Variants in MINK1 observed in about 807,000 individuals in gnomAD.
MINK1 encodes misshapen-like kinase 1.
Under a neutral mutation model 178.4 loss-of-function variants are expected in MINK1, and 46 were observed. The ratio of observed to expected loss-of-function variants is 0.26; its 90% CI spans 0.20 to 0.33. The LOEUF is 0.33. MINK1 is among the 10% of genes least tolerant of loss of function. MINK1 has a pLI of 1.00. For missense variants in MINK1, 1,366 were observed against 1,814.9 expected, an observed-to-expected ratio of 0.75 and a Z score of 4.49; for synonymous variants, 797 against 709.7, an observed-to-expected ratio of 1.12 and a Z score of -1.96.
chr17:4,897,472 CA>C lies in MINK1; in HGVS notation c.*187del. The stretch of plus-strand genomic sequence containing the variant: ...GTGATCACGTGACCATCCTCTTCCC[CA>C]ACATGTCCTCTTCCCAAAACTGTGC... On this transcript the variant is annotated 3_prime_UTR_variant, in exon 32 of 32. Transcript: ENST00000355280. 2 of 582,358 alleles carry C rather than the reference CA, an allele frequency of 3.4e-6. No individual in the cohort carries two copies. The highest frequency in any genetic ancestry group is 3.8e-5 in the African/African-American group (2 of 53,212). The allele number at this position is 582,358 out of a possible 1,614,324, so 36.1% of individuals were successfully genotyped here.
rs1237780815 is a variant in MINK1, at chr17:4,892,239, TGCCTGGGTAGGGCAAC to T, written c.2087+14_2087+29del. 1.3e-5 allele frequency: 21 copies of T among 1,571,756 alleles called. No homozygotes were observed. Among genetic ancestry groups the T allele is most frequent in the Non-Finnish European group, 1.8e-5 (21 of 1,159,198 alleles). On this transcript the variant is annotated splice_donor_region_variant and intron_variant, in intron 17 of 31. Transcript: ENST00000355280. ...AGCCCAGGCAGTCCGTGCCAGGTAA[TGCCTGGGTAGGGCAAC>T]GCCTGGGTGAGGTCTGAGGGCAGCC...
At chr17:4,875,865 G>A (rs998899040) in intron 1 of MINK1, among the ~76,000 whole-genome samples, 1 of 146,520 alleles carries the variant, frequency 6.8e-6, no homozygotes, top group Non-Finnish European at 1.5e-5. Flanking sequence ...GTGTGATCTC[G>A]GCTCACTGCA....
Position 4,833,558 on chromosome 17 carries a change from C to T in MINK1, c.-26C>T, listed in dbSNP as rs1908800093. 2.7e-6 allele frequency: 4 copies of T among 1,490,676 alleles called. No individual in the cohort carries two copies. Among genetic ancestry groups the T allele is most frequent in the Non-Finnish European group, 3.6e-6 (4 of 1,124,440 alleles). 92.3% of individuals were successfully genotyped at this position (1,490,676 alleles called of 1,614,324 possible). A position where few individuals can be genotyped will look rare whatever the true frequency, so the allele number is the denominator to read the frequency against. Reference sequence around the variant, plus strand: ...TAACCGAGCCGGAGCGTGAGCGGCCCCGGTGCCCCGTTCCCCACGGAGGCC... The same window carrying T: ...TAACCGAGCCGGAGCGTGAGCGGCCTCGGTGCCCCGTTCCCCACGGAGGCC... On this transcript the variant is annotated 5_prime_UTR_variant, in exon 1 of 32. Coordinates refer to ENST00000355280, the MANE Select transcript of MINK1 (RefSeq NM_153827.5). This position sits in a 1 kb window ranked among gnomAD's most constrained non-coding sequence, Gnocchi z 4.8.
chr17:4,870,534 A>C (rs1915731643), intron 1 of MINK1, among the ~76,000 whole-genome samples: 1 of 152,244 alleles, frequency 6.6e-6, no homozygotes, highest in Non-Finnish European at 1.5e-5. Flanking sequence ...ACCCTTTTAA[A>C]ATATTTTAGG....
In MINK1 at chr17:4,889,702, G is replaced by A; in HGVS notation, c.1286G>A (p.Arg429Gln). The A allele has an allele frequency of 1.3e-6, 2 of 1,557,752 alleles. No homozygotes were observed. The highest frequency in any genetic ancestry group is 1.9e-5 in the Admixed American group (1 of 52,008). Reference sequence around the variant, plus strand: ...CTGCAGGAGAAGGAGCAGCAGCGGCGGCTGGAGGACATGCAGGCTCTGCGG... The same window carrying A: ...CTGCAGGAGAAGGAGCAGCAGCGGCAGCTGGAGGACATGCAGGCTCTGCGG... ...RKLQEKEQQR[R>Q]LEDMQALRRE... Residue 429 changes from arginine (R) to glutamine (Q), a missense_variant, in exon 13 of 32, where the codon CGG (arginine) becomes CAG (glutamine). By Grantham distance (43) the Arg-to-Gln change is conservative (BLOSUM62 1). Transcript: ENST00000355280.
At chr17:4,849,201 A>C (rs574699828) in intron 1 of MINK1, among the ~76,000 whole-genome samples, 2 of 152,272 alleles carry the variant, frequency 1.3e-5, no homozygotes, top group African/African-American at 4.8e-5. Context: ...AAAATCTTCT[A>C]TCTGAACACG....
chr17:4,833,615 A>T lies in MINK1; in HGVS notation c.32A>T (p.Asp11Val). The T allele has an allele frequency of 6.7e-7, 1 of 1,501,510 alleles. No homozygotes were observed. The highest frequency in any genetic ancestry group is 8.8e-7 in the Non-Finnish European group (1 of 1,132,028). 93.0% of individuals were successfully genotyped at this position (1,501,510 alleles called of 1,614,324 possible). A position where few individuals can be genotyped will look rare whatever the true frequency, so the allele number is the denominator to read the frequency against. The change falls in exon 1 of 32, where the codon GAC (aspartate) becomes GTC (valine). Residue 11 changes from aspartate (D) to valine (V), a missense_variant. Asp to Val is a radical substitution (Grantham distance 152, BLOSUM62 -3). Transcript: ENST00000355280. This position sits in a 1 kb window ranked among gnomAD's most constrained non-coding sequence, Gnocchi z 4.8. Reference protein sequence around the residue: MGDPAPARSLDDIDLSALRDP... With the variant: MGDPAPARSLVDIDLSALRDP... ...GACCCAGCCCCCGCCCGCAGCCTGG[A>T]CGACATCGACCTGTCCGCCCTGCGG...
intron 1 of MINK1, among the ~76,000 whole-genome samples, chr17:4,841,739 A>G (rs1567555171): frequency 6.6e-6 from 1 of 152,212 alleles, no homozygotes; most frequent in East Asian, 1.9e-4. Context: ...TTACTTGGTA[A>G]GAGACATGGA....
chr17:4,894,534 CGTG>C lies in MINK1; in HGVS notation c.2820_2822del (p.Gly941del), dbSNP rs746304222. 3.1e-6 allele frequency: 5 copies of C among 1,600,200 alleles called. No individual in the cohort carries two copies. The highest frequency in any genetic ancestry group is 8.5e-7 in the Non-Finnish European group (1 of 1,173,126). On this transcript the variant is annotated inframe_deletion, in exon 24 of 32. Transcript: ENST00000355280. The surrounding 1 kb of genome is among the most constrained non-coding windows in gnomAD (Gnocchi z 4.1). ...TGTCCCCCTACCACAGTACCAGTCT[CGTG>C]GGCTGGTAAAGGCCCCTGGCAAGAG...
At chr17:4,844,942 A>G (rs777897823) in intron 1 of MINK1, among the ~76,000 whole-genome samples, 8 of 152,128 alleles carry the variant, frequency 5.3e-5, no homozygotes, top group Non-Finnish European at 1.2e-4. Flanking sequence ...GTGCAACTGT[A>G]ACCACTATCC....
At chr17:4,881,586 C>T (rs1412067206) in intron 4 of MINK1, among the ~76,000 whole-genome samples, 1 of 152,170 alleles carries the variant, frequency 6.6e-6, no homozygotes, top group Non-Finnish European at 1.5e-5. Context: ...GGAGAGAGAC[C>T]GTGGGGAGGC....
chr17:4,849,445 G>A (rs186710049), intron 1 of MINK1, among the ~76,000 whole-genome samples: 3 of 152,296 alleles, frequency 2.0e-5, no homozygotes, highest in African/African-American at 7.2e-5. Flanking sequence ...AAGGCTGGGC[G>A]GCTCAGGATG....
At position 4,895,256 on chromosome 17, in the gene MINK1, G is replaced by A; in HGVS notation, c.3085+14G>A. 6.2e-7 allele frequency: 1 copy of A among 1,613,898 alleles called. No homozygotes were observed. Among genetic ancestry groups the A allele is most frequent in the Non-Finnish European group, 8.5e-7 (1 of 1,179,834 alleles). ...CAGCCCTTTGGGGTAAGCCAGGGCAGGGACAGCTGAGGAGGCTCTGGCGTG... is the reference window on the plus strand; with the variant it reads ...CAGCCCTTTGGGGTAAGCCAGGGCAAGGACAGCTGAGGAGGCTCTGGCGTG... On this transcript the variant is annotated intron_variant, in intron 25 of 31. Transcript: ENST00000355280. The surrounding 1 kb of genome is among the most constrained non-coding windows in gnomAD (Gnocchi z 4.3).
rs1470022968 is a variant in MINK1 at position 4,896,666 on chromosome 17, C to T, written c.3776-8C>T. 1.9e-6 allele frequency: 3 copies of T among 1,602,834 alleles called. No homozygotes were observed. In the Admixed American group the frequency reaches 5.1e-5, roughly 27 times the overall value. ...CAGCCTGCTCAGCCCCTCACCTGTTCCCCACAGCCTACATCTGCTCCAACC... is the reference window on the plus strand; with the variant it reads ...CAGCCTGCTCAGCCCCTCACCTGTTTCCCACAGCCTACATCTGCTCCAACC... On this transcript the variant is annotated splice_polypyrimidine_tract_variant and splice_region_variant and intron_variant, in intron 30 of 31. Transcript: ENST00000355280. This position sits in a 1 kb window ranked among gnomAD's most constrained non-coding sequence, Gnocchi z 4.6.
intron 1 of MINK1, among the ~76,000 whole-genome samples, chr17:4,842,699 C>A (rs1910437401): frequency 6.6e-6 from 1 of 152,312 alleles, no homozygotes; most frequent in South Asian, 2.1e-4. Flanking sequence ...AAAGAGTCTT[C>A]AAGAAAACAG....
rs552337563 is a variant in MINK1 at position 4,867,971 on chromosome 17, C to CT, written c.58-10331dup. Among the ~76,000 whole-genome samples, 310 of 142,310 alleles carry CT rather than the reference C, an allele frequency of 2.2e-3. 1 individual carries two copies. Among genetic ancestry groups the CT allele is most frequent in the South Asian group, 6.8e-3 (30 of 4,422 alleles). 93.4% of individuals were successfully genotyped at this position (142,310 alleles called of 152,430 possible). ...TGAGAACATTCCATATCTTCTAGCT[C>CT]TTTTTTTTTTTTTTTAATATCTTTA... On this transcript the variant is annotated intron_variant, in intron 1 of 31. Coordinates refer to ENST00000355280, the MANE Select transcript of MINK1 (RefSeq NM_153827.5).
At chr17:4,857,929 A>G (rs1372810337) in intron 1 of MINK1, among the ~76,000 whole-genome samples, 1 of 150,416 alleles carries the variant, frequency 6.6e-6, no homozygotes, top group African/African-American at 2.5e-5. Context: ...CCAGTACTGT[A>G]TCCTTGTGGA....
chr17:4,876,029 C>T (rs563654125), intron 1 of MINK1, among the ~76,000 whole-genome samples: 36 of 151,870 alleles, frequency 2.4e-4, no homozygotes, highest in Non-Finnish European at 3.5e-4. Flanking sequence ...TACCCTGACC[C>T]CTTGATCTGC....
intron 1 of MINK1, among the ~76,000 whole-genome samples, chr17:4,835,444 C>T (rs1232917069): frequency 6.6e-6 from 1 of 152,120 alleles, no homozygotes; most frequent in Non-Finnish European, 1.5e-5. Flanking sequence ...CTGGCCAACA[C>T]TGTGAAACCC....
Sources: gnomAD v4.1 joint callset for allele counts (sites outside exome capture counted in the v4.1 genomes callset) on GRCh38, gnomAD v4.1.1 for gene constraint, Gnocchi (gnomAD v3.1) non-coding constraint, MANE v1.5 for transcripts, NCBI Gene and HGNC (gene_info 2026-07-23, HGNC 2026-07-21) for gene names.